The following SRPRA variants were observed in gnomAD, a reference collection of about 807,000 sequenced individuals.
SRPRA encodes signal recognition particle receptor subunit alpha.
Under a neutral mutation model 61.1 loss-of-function variants are expected in SRPRA, and 30 were observed. That is an observed-to-expected ratio of 0.49 (90% CI 0.37 to 0.67). SRPRA has a LOEUF of 0.67. Ranked by LOEUF, SRPRA falls within the 30% of genes least tolerant of loss-of-function variation. The probability of loss-of-function intolerance (pLI) is 0.00; values close to 1 mark genes in which losing one functional copy is unlikely to be tolerated. For missense variants in SRPRA, 759 were observed against 828.4 expected (o/e 0.92, Z 1.03); for synonymous variants, 324 against 299.7 (o/e 1.08, Z -0.84).
downstream of SRPRA, among the ~76,000 whole-genome samples, chr11:126,258,489 TCTC>T (rs1338358212): frequency 1.3e-5 from 2 of 152,200 alleles, no homozygotes; most frequent in Non-Finnish European, 2.9e-5. Flanking sequence ...CAAGTAGAAT[TCTC>T]CTGTAATGAA....
downstream of SRPRA, chr11:126,262,210 C>G (rs1365465609): frequency 2.7e-6 from 4 of 1,492,012 alleles, no homozygotes; most frequent in Middle Eastern, 1.7e-4. Context: ...AGTAAACTTA[C>G]AAGAACCCAA....
In SRPRA at chr11:126,266,877, T is replaced by A. The variant is rs1300839243; in HGVS notation, c.572A>T (p.Lys191Met). Residue 191 changes from lysine to methionine, a missense_variant, in exon 5 of 14, where the codon AAG (lysine) becomes ATG (methionine). Coordinates refer to ENST00000332118, the MANE Select transcript of SRPRA (RefSeq NM_003139.4). Reference protein sequence around the residue: ...LATSKPVPAEKSGLPVGPENG... With the variant: ...LATSKPVPAEMSGLPVGPENG... ...CTCAGGACCCACTGGAAGACCTGAC[T>A]TTTCTGCAGGGACTGGTTTGCTGGT... The A allele has an allele frequency of 1.2e-6, 2 of 1,614,170 alleles. No homozygotes were observed. The highest frequency in any genetic ancestry group is 1.7e-5 in the Admixed American group (1 of 60,020).
At chr11:126,250,690 A>G in the SRPRA span, 1 of 1,614,134 alleles carries the variant, frequency 6.2e-7, no homozygotes, top group Non-Finnish European at 8.5e-7. The surrounding 1 kb of genome is among the most constrained non-coding windows in gnomAD (Gnocchi z 5.1). Flanking sequence ...GCAGCAGATC[A>G]GGGGAAACAG....
rs1449302285 is a variant in SRPRA at position 126,266,901 on chromosome 11, G to A, written c.548C>T (p.Thr183Ile). Residue 183 changes from threonine to isoleucine, a missense_variant, in exon 5 of 14, where the codon ACC becomes ATC. Thr to Ile is a moderately conservative substitution (Grantham distance 89, BLOSUM62 -1). Transcript: ENST00000332118. ...KKEGSDGPLA[T>I]SKPVPAEKSG... ...CTTTTCTGCAGGGACTGGTTTGCTGGTAGCCAAAGGACCATCAGAACCTGT... is the reference window on the plus strand; with the variant it reads ...CTTTTCTGCAGGGACTGGTTTGCTGATAGCCAAAGGACCATCAGAACCTGT... The A allele has an allele frequency of 6.2e-7, 1 of 1,613,888 alleles. No homozygotes were observed. Among genetic ancestry groups the A allele is most frequent in the African/African-American group, 1.3e-5 (1 of 74,902 alleles).
the SRPRA span, among the ~76,000 whole-genome samples, chr11:126,249,418 A>G: frequency 1.3e-5 from 2 of 152,222 alleles, no homozygotes; most frequent in East Asian, 3.9e-4. Context: ...AAACAGCTGT[A>G]CAAACACCTA....
In SRPRA at chr11:126,264,949, T is replaced by A. The variant is rs765504211; in HGVS notation, c.1525+10A>T. On this transcript the variant is annotated intron_variant, in intron 11 of 13. Transcript: ENST00000332118. This position sits in a 1 kb window ranked among gnomAD's most constrained non-coding sequence, Gnocchi z 5.0. ...CCCAAATAAGCCCCCACACTTCCCATGCACTGTACCAAAAGCAATGGCTTC... is the reference window on the plus strand; with the variant it reads ...CCCAAATAAGCCCCCACACTTCCCAAGCACTGTACCAAAAGCAATGGCTTC... 5.0e-6 allele frequency: 8 copies of A among 1,612,786 alleles called. No homozygotes were observed. The highest frequency in any genetic ancestry group is 6.8e-6 in the Non-Finnish European group (8 of 1,179,674).
chr11:126,268,643 G>T, intron 1 of SRPRA, 45 bp downstream of exon 1: 1 of 1,533,424 alleles, frequency 6.5e-7, no homozygotes, highest in Non-Finnish European at 9.0e-7. Context: ...CATGGATCGG[G>T]TCAGGAAAGA....
rs766884357 is a variant in SRPRA at position 126,267,674 on chromosome 11, G to A, written c.240C>T (p.Asp80=). ...GCCGATGCACGTCATCTATCAATTT[G>A]TCTACATATGTCAGTGTCAGGATCT... ...FQKILTLTYV[D]KLIDDVHRLF... Residue 80 remains aspartate, a synonymous_variant, in exon 3 of 14, where the codon GAC becomes GAT. Transcript: ENST00000332118. This position sits in a 1 kb window ranked among gnomAD's most constrained non-coding sequence, Gnocchi z 4.2. 1.2e-5 allele frequency: 20 copies of A among 1,614,128 alleles called. No homozygotes were observed. The highest frequency in any genetic ancestry group is 1.6e-4 in the Middle Eastern group (1 of 6,062).
At chr11:126,244,690 G>C in the SRPRA span, among the ~76,000 whole-genome samples, 2 of 152,132 alleles carry the variant, frequency 1.3e-5, no homozygotes, top group Non-Finnish European at 2.9e-5. This position sits in a 1 kb window ranked among gnomAD's most constrained non-coding sequence, Gnocchi z 4.5. Flanking sequence ...TATAATCCCA[G>C]CTACTCGGGA....
In SRPRA at chr11:126,263,750, G is replaced by A. The variant is rs1950750990; in HGVS notation, c.*166C>T. On this transcript the variant is annotated 3_prime_UTR_variant, in exon 14 of 14. Transcript: ENST00000332118. Reference sequence around the variant, plus strand: ...CATGATTAGGCCTTCCTTGCAGATGGCGGCTGTGCTGAACGGGGAGTGGGG... The same window carrying A: ...CATGATTAGGCCTTCCTTGCAGATGACGGCTGTGCTGAACGGGGAGTGGGG... The A allele has an allele frequency of 2.1e-6, 2 of 957,846 alleles. No homozygotes were observed. The highest frequency in any genetic ancestry group is 3.1e-6 in the Non-Finnish European group (2 of 644,640). 59.3% of individuals were successfully genotyped at this position (957,846 alleles called of 1,614,324 possible).
At chr11:126,240,938 A>G in the SRPRA span, 1 of 1,614,118 alleles carries the variant, frequency 6.2e-7, no homozygotes, top group Non-Finnish European at 8.5e-7. Context: ...GCTGCCATTG[A>G]TTTTGATCTT....
chr11:126,240,574 G>A, the SRPRA span, among the ~76,000 whole-genome samples: 24 of 152,254 alleles, frequency 1.6e-4, no homozygotes, highest in South Asian at 1.2e-3. Flanking sequence ...TTGGTTTTGG[G>A]ATTCCTGAAA....
At chr11:126,254,348 A>G in the SRPRA span, 3 of 1,613,988 alleles carry the variant, frequency 1.9e-6, no homozygotes, top group African/African-American at 1.3e-5. Context: ...AGCGTGTTGC[A>G]TATTCACGGA....
chr11:126,240,924 G>A, the SRPRA span: 2 of 1,614,166 alleles, frequency 1.2e-6, no homozygotes, highest in East Asian at 2.2e-5. Context: ...AGGCCTTACT[G>A]GATGCTGCCA....
downstream of SRPRA, chr11:126,262,127 T>C (rs756832951): frequency 7.4e-6 from 12 of 1,614,080 alleles, no homozygotes; most frequent in Admixed American, 8.3e-5. Flanking sequence ...CAGGCTGTAG[T>C]ACATGAGCGA....
chr11:126,236,022 AAC>A, the SRPRA span, among the ~76,000 whole-genome samples: 1 of 152,306 alleles, frequency 6.6e-6, no homozygotes, highest in South Asian at 2.1e-4. Context: ...GCTATACTGA[AAC>A]ACACCGATAA....
Position 126,264,854 on chromosome 11 carries a change from CCAA to C in SRPRA, c.1525+102_1525+104del, listed in dbSNP as rs776357811. On this transcript the variant is annotated intron_variant, in intron 11 of 13. Coordinates refer to ENST00000332118, the MANE Select transcript of SRPRA (RefSeq NM_003139.4). This position sits in a 1 kb window ranked among gnomAD's most constrained non-coding sequence, Gnocchi z 5.0. ...TGATCTGACTTTTTACTGTAATTGACCAACGAGTCTGTAGTAGCACAAGCCTGA... is the reference window on the plus strand; with the variant it reads ...TGATCTGACTTTTTACTGTAATTGACCGAGTCTGTAGTAGCACAAGCCTGA... 8.1e-6 allele frequency: 9 copies of C among 1,115,056 alleles called. No homozygotes were observed. The highest frequency in any genetic ancestry group is 1.0e-5 in the Non-Finnish European group (8 of 798,048). 69.1% of individuals were successfully genotyped at this position (1,115,056 alleles called of 1,614,324 possible).
In SRPRA at chr11:126,264,443, A is replaced by G; in HGVS notation, c.1622T>C (p.Val541Ala). The G allele has an allele frequency of 2.5e-6, 4 of 1,614,216 alleles. No homozygotes were observed. The highest frequency in any genetic ancestry group is 2.5e-6 in the Non-Finnish European group (3 of 1,180,044). Residue 541 changes from valine to alanine, a missense_variant, in exon 12 of 14, where the codon GTC becomes GCC. Coordinates refer to ENST00000332118, the MANE Select transcript of SRPRA (RefSeq NM_003139.4). This position sits in a 1 kb window ranked among gnomAD's most constrained non-coding sequence, Gnocchi z 5.0. ...LMTALAKLIT[V>A]NTPDLVLFVG... ...AAACAGCACCAAATCAGGTGTATTG[A>G]CAGTAATGAGTTTGGCCAGGGCAGT...
At chr11:126,266,652 G>A (rs764861800) in intron 5 of SRPRA, 23 bp from the exon 6 acceptor site, 1 of 1,611,834 alleles carries the variant, frequency 6.2e-7, no homozygotes, top group South Asian at 1.1e-5. Flanking sequence ...ATGATACAAA[G>A]AGTTATGGTG....
Sources: gnomAD v4.1 joint callset for allele counts (sites outside exome capture counted in the v4.1 genomes callset) on GRCh38, gnomAD v4.1.1 for gene constraint, Gnocchi (gnomAD v3.1) non-coding constraint, MANE v1.5 for transcripts, NCBI Gene and HGNC (gene_info 2026-07-23, HGNC 2026-07-21) for gene names.